CD37: variants seen among roughly 807,000 people sequenced by gnomAD.
The protein encoded by CD37 is leukocyte antigen CD37.
In CD37, 37 loss-of-function variants were observed where a neutral mutation model predicts 38.9. The ratio of observed to expected loss-of-function variants is 0.95; its 90% confidence interval spans 0.73 to 1.25. The LOEUF (loss-of-function observed/expected upper bound fraction) is 1.25. Ranked by LOEUF, CD37 falls within the 50% of genes most tolerant of loss-of-function variation. CD37 has a pLI of 0.00. For missense variants in CD37, 351 were observed against 360.1 expected (o/e 0.97, Z 0.20); for synonymous variants, 146 against 150.1 (o/e 0.97, Z 0.20).
At chr19:49,337,623 T>C (rs1324356525) in intron 4 of CD37, 18 of 1,474,432 alleles carry the variant, frequency 1.2e-5, no homozygotes, top group Non-Finnish European at 1.6e-5. Context: ...AATAAATTAA[T>C]AGAAAGACAC....
chr19:49,336,612 G>A (rs1225595518), intron 2 of CD37: 1 of 334,702 alleles, frequency 3.0e-6, no homozygotes, highest in Non-Finnish European at 5.6e-6. Context: ...GAGGTTTAAG[G>A]AGCCAAGCCA....
rs1393467442 is a variant in CD37, at chr19:49,335,793, G to A, written c.142+7G>A. ...AGCTTCGTGTCCTTTGTGGGTGAGG[G>A]GGGCTGGGGCAGGTGGGAGGGCCTC... On this transcript the variant is annotated splice_region_variant and intron_variant, in intron 2 of 7. Coordinates refer to ENST00000323906, the MANE Select transcript of CD37 (RefSeq NM_001774.3). The surrounding 1 kb of genome is among the most constrained non-coding windows in gnomAD (Gnocchi z 4.6). The A allele has an allele frequency of 8.7e-6, 14 of 1,609,108 alleles. No individual in the cohort carries two copies. The highest frequency in any genetic ancestry group is 1.3e-5 in the African/African-American group (1 of 74,802).
chr19:49,335,610 G>A lies in CD37; in HGVS notation c.69+1G>A, dbSNP rs1970920599. The A allele has an allele frequency of 3.1e-6, 5 of 1,613,396 alleles. No homozygotes were observed. Among genetic ancestry groups the A allele is most frequent in the Non-Finnish European group, 4.2e-6 (5 of 1,179,474 alleles). On this transcript the variant is annotated splice_donor_variant, in intron 1 of 7. Transcript: ENST00000323906. LOFTEE classifies it high-confidence loss of function. The surrounding 1 kb of genome is among the most constrained non-coding windows in gnomAD (Gnocchi z 4.6). ...CTTCGTTTTCAACCTCTTCTTCTTC[G>A]TGAGTTGCCTCATGGCTACCCAGCC...
rs1971141396 is a variant in CD37, at chr19:49,339,829, C to A, written c.768+416C>A. The A allele has an allele frequency of 1.5e-6, 2 of 1,337,752 alleles. No homozygotes were observed. The highest frequency in any genetic ancestry group is 9.6e-7 in the Non-Finnish European group (1 of 1,041,396). The allele number at this position is 1,337,752 out of a possible 1,614,324, so 82.9% of individuals were successfully genotyped here. On this transcript the variant is annotated intron_variant, in intron 7 of 7. Transcript: ENST00000323906. This position sits in a 1 kb window ranked among gnomAD's most constrained non-coding sequence, Gnocchi z 4.5. ...TGGCTGGGGCATGGCGGGTGCCTGC[C>A]CCAACTGGGGAGACAAGGCACCGCA...
At position 49,337,200 on chromosome 19, in the gene CD37, C is replaced by G. The variant is rs201639028; in HGVS notation, c.321C>G (p.Leu107=). The G allele has an allele frequency of 6.2e-7, 1 of 1,614,172 alleles. No individual in the cohort carries two copies. ...LFATQITLGI[L]ISTQRAQLER... The stretch of plus-strand genomic sequence containing the variant: ...CCACACAGATCACCCTGGGAATCCT[C>G]ATCTCCACTCAGCGGGCCCAGGTGA... Residue 107 remains leucine, a synonymous_variant, in exon 4 of 8, where the codon CTC becomes CTG. Coordinates refer to ENST00000323906, the MANE Select transcript of CD37 (RefSeq NM_001774.3).
Position 49,340,271 on chromosome 19 carries a change from G to C in CD37, c.789G>C (p.Ser263=). ...TATAGCTCGGGTTCATGACGCTCTC[G>C]ATATTCCTGTGCAGAAACCTGGACC... ...GLLELGFMTL[S]IFLCRNLDHV... is the part of the protein sequence containing the mutation. Residue 263 remains serine, a synonymous_variant, in exon 8 of 8, where the codon TCG becomes TCC. Coordinates refer to ENST00000323906, the MANE Select transcript of CD37 (RefSeq NM_001774.3). 6.2e-7 allele frequency: 1 copy of C among 1,613,692 alleles called. No homozygotes were observed. Among genetic ancestry groups the C allele is most frequent in the Non-Finnish European group, 8.5e-7 (1 of 1,179,912 alleles).
rs148377762 is a variant in CD37, at chr19:49,339,014, G to T, written c.684+78G>T. 39 of 1,165,082 alleles carry T rather than the reference G, an allele frequency of 3.3e-5. No homozygotes were observed. The highest frequency in any genetic ancestry group is 4.8e-4 in the Middle Eastern group (2 of 4,152). 72.2% of individuals were successfully genotyped at this position (1,165,082 alleles called of 1,614,324 possible). A position where few individuals can be genotyped will look rare whatever the true frequency, so the allele number is the denominator to read the frequency against. ...GGGGGAGGGCTGTCAGTGAGTAGCGGCCTGAGAAAGGGCGGGGTCTACGAG... is the reference window on the plus strand; with the variant it reads ...GGGGGAGGGCTGTCAGTGAGTAGCGTCCTGAGAAAGGGCGGGGTCTACGAG... On this transcript the variant is annotated intron_variant, in intron 6 of 7. Coordinates refer to ENST00000323906, the MANE Select transcript of CD37 (RefSeq NM_001774.3). The surrounding 1 kb of genome is among the most constrained non-coding windows in gnomAD (Gnocchi z 4.5).
chr19:49,340,126 C>A, intron 7 of CD37, 125 bp from the exon 8 acceptor site: 1 of 1,537,874 alleles, frequency 6.5e-7, no homozygotes, highest in African/African-American at 1.4e-5. Flanking sequence ...TCTACCTATC[C>A]CCTTCTCCAG....
chr19:49,339,567 G>T lies in CD37; in HGVS notation c.768+154G>T. The T allele has an allele frequency of 1.4e-6, 2 of 1,460,108 alleles. No individual in the cohort carries two copies. Among genetic ancestry groups the T allele is most frequent in the Non-Finnish European group, 1.8e-6 (2 of 1,105,856 alleles). 90.4% of individuals were successfully genotyped at this position (1,460,108 alleles called of 1,614,324 possible). A position where few individuals can be genotyped will look rare whatever the true frequency, so the allele number is the denominator to read the frequency against. On this transcript the variant is annotated intron_variant, in intron 7 of 7. Transcript: ENST00000323906. The surrounding 1 kb of genome is among the most constrained non-coding windows in gnomAD (Gnocchi z 4.5). ...GCCGCTCCACCCAGCACCGGAGGGTGGGGGCGGCCCAGCTTCAGGGAGCCC... is the reference window on the plus strand; with the variant it reads ...GCCGCTCCACCCAGCACCGGAGGGTTGGGGCGGCCCAGCTTCAGGGAGCCC...
intron 7 of CD37, chr19:49,340,030 CCTT>C (rs923319277): frequency 1.3e-6 from 2 of 1,483,578 alleles, no homozygotes; most frequent in African/African-American, 1.4e-5. Context: ...CGACCTTACT[CCTT>C]CTCAGCCTCT....
chr19:49,339,732 C>G lies in CD37; in HGVS notation c.768+319C>G. ...GGAAATGCGAGCCGCACGTGCCGGG[C>G]GCTGGGGATTCGAGCCCCGGGCCCA... On this transcript the variant is annotated intron_variant, in intron 7 of 7. Transcript: ENST00000323906. This position sits in a 1 kb window ranked among gnomAD's most constrained non-coding sequence, Gnocchi z 4.5. 7.1e-7 allele frequency: 1 copy of G among 1,398,904 alleles called. No individual in the cohort carries two copies. The highest frequency in any genetic ancestry group is 9.2e-7 in the Non-Finnish European group (1 of 1,081,420). The allele number at this position is 1,398,904 out of a possible 1,614,324, so 86.7% of individuals were successfully genotyped here.
rs1220152883 is a variant in CD37 at position 49,337,580 on chromosome 19, G to T, written c.343-345G>T. The T allele has an allele frequency of 2.2e-6, 3 of 1,338,848 alleles. No individual in the cohort carries two copies. The African/African-American group carries it at 4.4e-5, about 20-fold the overall frequency. The allele number at this position is 1,338,848 out of a possible 1,614,324, so 82.9% of individuals were successfully genotyped here. ...GAGGCTACAGTGAGCCATGCACTCA[G>T]CCTGGGTGACAGAGTGAGACCCTGT... On this transcript the variant is annotated intron_variant, in intron 4 of 7. Coordinates refer to ENST00000323906, the MANE Select transcript of CD37 (RefSeq NM_001774.3).
At chr19:49,337,824 T>C in intron 4 of CD37, 101 bp from the exon 5 acceptor site, 1 of 1,571,556 alleles carries the variant, frequency 6.4e-7, no homozygotes, top group Non-Finnish European at 8.6e-7. Flanking sequence ...GATTTGAGAC[T>C]GGCCCAGAGA....
chr19:49,335,468 C>T lies in CD37; in HGVS notation c.-73C>T. 1 of 1,070,022 alleles carries T rather than the reference C, an allele frequency of 9.3e-7. No homozygotes were observed. Among genetic ancestry groups the T allele is most frequent in the South Asian group, 1.3e-5 (1 of 78,764 alleles). The allele number at this position is 1,070,022 out of a possible 1,614,324, so 66.3% of individuals were successfully genotyped here. A position where few individuals can be genotyped will look rare whatever the true frequency, so the allele number is the denominator to read the frequency against. ...TCTCTCTTTCTCTCTCAGCCTCTTT[C>T]TTTCTCCCTGTCTCCCCCACTGTCA... On this transcript the variant is annotated 5_prime_UTR_variant, in exon 1 of 8. Transcript: ENST00000323906. This position sits in a 1 kb window ranked among gnomAD's most constrained non-coding sequence, Gnocchi z 4.6.
chr19:49,336,519 C>G (rs886098885), intron 2 of CD37: 1 of 182,938 alleles, frequency 5.5e-6, no homozygotes, highest in African/African-American at 2.4e-5. Context: ...GATCACATCA[C>G]TGCACTCCAG....
rs548193705 is a variant in CD37 at position 49,339,141 on chromosome 19, G to A, written c.685-189G>A. ...AAGGCTGGGCTGGCTCTGGAATACAGATGTCTAGGGAGGGGCCAGGCTTGG... is the reference window on the plus strand; with the variant it reads ...AAGGCTGGGCTGGCTCTGGAATACAAATGTCTAGGGAGGGGCCAGGCTTGG... On this transcript the variant is annotated intron_variant, in intron 6 of 7. Transcript: ENST00000323906. This position sits in a 1 kb window ranked among gnomAD's most constrained non-coding sequence, Gnocchi z 4.5. 6.6e-6 allele frequency among the ~76,000 whole-genome samples: 1 copy of A among 152,228 alleles called. No homozygotes were observed. Among genetic ancestry groups the A allele is most frequent in the South Asian group, 2.1e-4 (1 of 4,820 alleles).
At position 49,335,429 on chromosome 19, in the gene CD37, C is replaced by G. The variant is rs1970914002; in HGVS notation, c.-112C>G. 1 of 817,458 alleles carries G rather than the reference C, an allele frequency of 1.2e-6. No homozygotes were observed. The highest frequency in any genetic ancestry group is 2.0e-6 in the Non-Finnish European group (1 of 489,440). 50.6% of individuals were successfully genotyped at this position (817,458 alleles called of 1,614,324 possible). A position where few individuals can be genotyped will look rare whatever the true frequency, so the allele number is the denominator to read the frequency against. On this transcript the variant is annotated 5_prime_UTR_variant, in exon 1 of 8. Coordinates refer to ENST00000323906, the MANE Select transcript of CD37 (RefSeq NM_001774.3). This position sits in a 1 kb window ranked among gnomAD's most constrained non-coding sequence, Gnocchi z 4.6. ...TCCTCTTTTGGGGTTCTTCCTTTCT[C>G]TCTCAGCTCTCCGTCTCTCTTTCTC... is the stretch of plus-strand genomic sequence containing the variant.
At position 49,339,677 on chromosome 19, in the gene CD37, GC is replaced by G. The variant is rs1971128060; in HGVS notation, c.768+265del. On this transcript the variant is annotated intron_variant, in intron 7 of 7. Coordinates refer to ENST00000323906, the MANE Select transcript of CD37 (RefSeq NM_001774.3). The surrounding 1 kb of genome is among the most constrained non-coding windows in gnomAD (Gnocchi z 4.5). ...CCGCAGATGACTGTCATGGTGCTGA[GC>G]GTACAGCTACAGCGCAGGGCACTCC... 7.0e-7 allele frequency: 1 copy of G among 1,425,512 alleles called. No individual in the cohort carries two copies. Among genetic ancestry groups the G allele is most frequent in the Admixed American group, 2.9e-5 (1 of 34,072 alleles). 88.3% of individuals were successfully genotyped at this position (1,425,512 alleles called of 1,614,324 possible).
At position 49,335,954 on chromosome 19, in the gene CD37, G is replaced by A. The variant is rs1970938267; in HGVS notation, c.142+168G>A. On this transcript the variant is annotated intron_variant, in intron 2 of 7. Transcript: ENST00000323906. This position sits in a 1 kb window ranked among gnomAD's most constrained non-coding sequence, Gnocchi z 4.6. ...GAGCCTGAGTCTTCTTCCGGCAAAT[G>A]GGGTTGTGCATACAAACAACAATGA... 1.5e-6 allele frequency: 1 copy of A among 650,374 alleles called. No individual in the cohort carries two copies. The highest frequency in any genetic ancestry group is 2.7e-6 in the Non-Finnish European group (1 of 366,006). The allele number at this position is 650,374 out of a possible 1,614,324, so 40.3% of individuals were successfully genotyped here.
Sources: gnomAD v4.1 joint callset for allele counts (sites outside exome capture counted in the v4.1 genomes callset) on GRCh38, gnomAD v4.1.1 for gene constraint, Gnocchi (gnomAD v3.1) non-coding constraint, MANE v1.5 for transcripts, NCBI Gene and HGNC (gene_info 2026-07-23, HGNC 2026-07-21) for gene names.